The following LPIN1 variants were observed in gnomAD, a reference collection of about 807,000 sequenced individuals.
The protein encoded by LPIN1 is phosphatidate phosphatase LPIN1.
A neutral mutation model predicts 107.5 loss-of-function variants in LPIN1; 71 were observed. The ratio of observed to expected loss-of-function variants is 0.66; its 90% CI spans 0.55 to 0.80. The LOEUF is 0.80. LPIN1 is among the 30% of genes least tolerant of loss of function. LPIN1 has a pLI of 0.00. For missense variants in LPIN1, 1,043 were observed against 1,160.6 expected (o/e 0.90, Z 1.47); for synonymous variants, 445 against 452.6 (o/e 0.98, Z 0.21).
intron 7 of LPIN1, among the ~76,000 whole-genome samples, chr2:11,781,927 A>C (rs1043394479): frequency 2.6e-5 from 4 of 152,206 alleles, no homozygotes; most frequent in Admixed American, 6.5e-5. Context: ...AAAGACTTGT[A>C]ATCTAACAGC....
chr2:11,695,733 G>A (rs4517949), intron 1 of LPIN1, among the ~76,000 whole-genome samples: 26,744 of 152,056 alleles, frequency 0.18, 2,954 homozygotes, highest in South Asian at 0.25. Flanking sequence ...TTAAGGATTT[G>A]GCTATCATCT....
intron 17 of LPIN1, among the ~76,000 whole-genome samples, chr2:11,812,967 G>A (rs945446297): frequency 1.3e-5 from 2 of 152,158 alleles, no homozygotes; most frequent in African/African-American, 4.8e-5. Flanking sequence ...CTGGGGGTAG[G>A]TAGACACCAA....
chr2:11,712,673 G>C (rs1663490109), intron 1 of LPIN1, among the ~76,000 whole-genome samples: 3 of 152,218 alleles, frequency 2.0e-5, no homozygotes, highest in South Asian at 2.1e-4. Context: ...GGCCAAGGAG[G>C]AACAGGACAG....
intron 1 of LPIN1, among the ~76,000 whole-genome samples, chr2:11,694,355 C>T (rs1343457813): frequency 6.6e-6 from 1 of 152,168 alleles, no homozygotes; most frequent in Non-Finnish European, 1.5e-5. Flanking sequence ...AAGAGCACGC[C>T]ACCATGGCTT....
intron 17 of LPIN1, among the ~76,000 whole-genome samples, chr2:11,810,034 G>T: frequency 6.6e-6 from 1 of 152,150 alleles, no homozygotes; most frequent in East Asian, 1.9e-4. Flanking sequence ...TTGCACAAGG[G>T]TGTGTTTTGT....
chr2:11,701,801 G>T (rs1662887070), intron 1 of LPIN1, among the ~76,000 whole-genome samples: 1 of 152,246 alleles, frequency 6.6e-6, no homozygotes, highest in Non-Finnish European at 1.5e-5. Context: ...TGTGTGTTTA[G>T]ATTACAGAAA....
At chr2:11,802,142 T>C (rs1036224093) in intron 14 of LPIN1, among the ~76,000 whole-genome samples, 1 of 152,180 alleles carries the variant, frequency 6.6e-6, no homozygotes, top group East Asian at 1.9e-4. Flanking sequence ...AAGATAGTGG[T>C]CCTGGGAGGC....
At chr2:11,718,176 T>C (rs1663877860) in intron 2 of LPIN1, among the ~76,000 whole-genome samples, 1 of 152,106 alleles carries the variant, frequency 6.6e-6, no homozygotes, top group Admixed American at 6.5e-5. Context: ...TCTTTTACAA[T>C]AAGCAAAAGC....
chr2:11,715,177 A>T lies in LPIN1; in HGVS notation c.138+1365A>T, dbSNP rs1663651277. On this transcript the variant is annotated intron_variant, in intron 2 of 21. Coordinates refer to the LPIN1 transcript ENST00000449576. The stretch of plus-strand genomic sequence containing the variant: ...GGGTGGGAGCGCAGGCCACATAGTC[A>T]TGGAGGCGGCCTCGGGCAGCTTCCC... 3.9e-5 allele frequency among the ~76,000 whole-genome samples: 6 copies of T among 152,182 alleles called. 1 individual carries two copies. The South Asian group carries it at 1.2e-3, about 31-fold the overall frequency.
intron 14 of LPIN1, among the ~76,000 whole-genome samples, chr2:11,797,308 G>C (rs911621396): frequency 1.4e-4 from 22 of 152,308 alleles, no homozygotes; most frequent in African/African-American, 5.3e-4. Context: ...ACACCGATGC[G>C]GTAGACCCCG....
At chr2:11,782,179 C>T (rs1213878155) in intron 7 of LPIN1, 22 bp from the exon 8 acceptor site, 1 of 1,585,668 alleles carries the variant, frequency 6.3e-7, no homozygotes, top group South Asian at 1.1e-5. Context: ...CTCTCTCTGT[C>T]CCTCTCTCCT....
chr2:11,781,688 A>G (rs1673591700), intron 7 of LPIN1, among the ~76,000 whole-genome samples: 1 of 152,238 alleles, frequency 6.6e-6, no homozygotes, highest in African/African-American at 2.4e-5. Flanking sequence ...ATACATTTTC[A>G]CAGCAGGAAC....
chr2:11,771,437 C>G lies in LPIN1; in HGVS notation c.354C>G (p.Cys118Trp). 6.2e-7 allele frequency: 1 copy of G among 1,614,220 alleles called. No homozygotes were observed. Among genetic ancestry groups the G allele is most frequent in the Non-Finnish European group, 8.5e-7 (1 of 1,180,046 alleles). ...CAGAAGGAGCTTCGAGAATGGAATG[C>G]CAGCTGAAAAGGGGCTCTGTGGACA... ...ILSEGASRME[C>W]QLKRGSVDRM... The change falls in exon 4 of 21, where the codon TGC becomes TGG. Residue 118 changes from cysteine (C) to tryptophan (W), a missense_variant. Transcript: ENST00000674199. This position sits in a 1 kb window ranked among gnomAD's most constrained non-coding sequence, Gnocchi z 4.8.
At chr2:11,696,850 T>A (rs1188093877) in intron 1 of LPIN1, among the ~76,000 whole-genome samples, 1 of 152,162 alleles carries the variant, frequency 6.6e-6, no homozygotes, top group Non-Finnish European at 1.5e-5. Flanking sequence ...ACCACGTGGG[T>A]CTCCTGTCAG....
chr2:11,718,905 CA>C (rs984637511), intron 2 of LPIN1, among the ~76,000 whole-genome samples: 8 of 152,160 alleles, frequency 5.3e-5, no homozygotes, highest in African/African-American at 1.9e-4. Flanking sequence ...GAAAAACAAG[CA>C]AAGGGTGGTG....
intron 17 of LPIN1, among the ~76,000 whole-genome samples, chr2:11,808,827 C>T (rs1679155320): frequency 6.7e-6 from 1 of 149,152 alleles, no homozygotes. Context: ...GCCGAGATCG[C>T]ACCATTGCAC....
At chr2:11,692,575 T>C (rs564258739) in intron 1 of LPIN1, among the ~76,000 whole-genome samples, 1 of 152,356 alleles carries the variant, frequency 6.6e-6, no homozygotes, top group Non-Finnish European at 1.5e-5. Context: ...CTAAAGTGCT[T>C]AGCAAATAGT....
At chr2:11,760,761 T>G (rs898080667) in intron 1 of LPIN1, among the ~76,000 whole-genome samples, 1 of 152,162 alleles carries the variant, frequency 6.6e-6, no homozygotes, top group Non-Finnish European at 1.5e-5. Context: ...GTCTCTCGCT[T>G]TCTTTTTCTT....
At chr2:11,753,179 A>G (rs1000606663) in intron 1 of LPIN1, among the ~76,000 whole-genome samples, 1 of 150,850 alleles carries the variant, frequency 6.6e-6, no homozygotes, top group African/African-American at 2.5e-5. Flanking sequence ...AAGAGCTGCA[A>G]AATTTCCCAC....
Sources: allele counts gnomAD v4.1 joint callset (sites outside exome capture counted in the v4.1 genomes callset), GRCh38; gene constraint gnomAD v4.1.1; non-coding constraint Gnocchi (gnomAD v3.1); transcripts MANE v1.5; gene names NCBI Gene and HGNC (gene_info 2026-07-23, HGNC 2026-07-21).